METTL25: variants seen among roughly 807,000 people sequenced by gnomAD.
METTL25 encodes probable methyltransferase-like protein 25.
A neutral mutation model predicts 71.6 loss-of-function variants in METTL25; 64 were observed. That is an observed-to-expected ratio of 0.89 (90% CI 0.73 to 1.10). METTL25 has a LOEUF of 1.10. METTL25 is among the 50% of genes least tolerant of loss of function. METTL25 has a pLI of 0.00. For synonymous variants in METTL25, 287 were observed against 250.3 expected (o/e 1.15, Z -1.38); for missense variants, 807 against 707.0 (o/e 1.14, Z -1.60).
chr12:82,451,258 CG>C (rs1332259998), intron 8 of METTL25: 4 of 969,680 alleles, frequency 4.1e-6, no homozygotes, highest in Non-Finnish European at 4.9e-6. Context: ...GACTTAAGTG[CG>C]TATTTATATT....
chr12:82,455,696 G>A (rs1265534937), intron 8 of METTL25, among the ~76,000 whole-genome samples: 1 of 151,848 alleles, frequency 6.6e-6, no homozygotes, highest in Non-Finnish European at 1.5e-5. Flanking sequence ...ACTGATCTAA[G>A]GAGAAAAAAC....
rs528649446 is a variant in METTL25 at position 82,438,310 on chromosome 12, T to C, written c.1405-408T>C. On this transcript the variant is annotated intron_variant, in intron 7 of 11. Transcript: ENST00000248306. ...TGTGACTCCTAGCTGTTATTATCTT[T>C]ATTCCACCTCCATTAAGACAAATCT... Among the ~76,000 whole-genome samples the C allele has an allele frequency of 6.9e-4, 105 of 151,838 alleles. 1 individual carries two copies. Among genetic ancestry groups the C allele is most frequent in the African/African-American group, 2.5e-3 (102 of 41,508 alleles).
chr12:82,476,337 C>T (rs1451775212), intron 9 of METTL25: 1 of 243,946 alleles, frequency 4.1e-6, no homozygotes, highest in African/African-American at 2.3e-5. Context: ...TGATCTCCTC[C>T]TGTGTGTCCA....
chr12:82,373,871 C>A (rs751340542), intron 1 of METTL25, among the ~76,000 whole-genome samples: 1 of 152,138 alleles, frequency 6.6e-6, no homozygotes, highest in Non-Finnish European at 1.5e-5. Context: ...TCATGCTAGT[C>A]GCTTTTAACT....
chr12:82,434,025 TATAA>T (rs1415293892), intron 6 of METTL25, among the ~76,000 whole-genome samples: 1 of 151,196 alleles, frequency 6.6e-6, no homozygotes, highest in African/African-American at 2.4e-5. Flanking sequence ...GAGTATTTAT[TATAA>T]ATGTTAGGAA....
At chr12:82,391,225 A>T (rs756405128) in intron 3 of METTL25, among the ~76,000 whole-genome samples, 11 of 152,096 alleles carry the variant, frequency 7.2e-5, no homozygotes, top group Non-Finnish European at 1.6e-4. Context: ...TAGATTTTAT[A>T]TAGAAACCAA....
intron 1 of METTL25, among the ~76,000 whole-genome samples, chr12:82,369,848 G>A (rs972750887): frequency 6.6e-6 from 1 of 152,092 alleles, no homozygotes; most frequent in Non-Finnish European, 1.5e-5. Flanking sequence ...TTTTTACAGA[G>A]TGCTGATTGG....
At chr12:82,367,506 G>A (rs990212816) in intron 1 of METTL25, among the ~76,000 whole-genome samples, 6 of 151,928 alleles carry the variant, frequency 3.9e-5, no homozygotes, top group African/African-American at 1.2e-4. Context: ...TTCATAATCC[G>A]CCAATTCCTC....
chr12:82,360,727 A>G (rs1313553326), intron 1 of METTL25, among the ~76,000 whole-genome samples: 2 of 152,158 alleles, frequency 1.3e-5, no homozygotes, highest in African/African-American at 4.8e-5. Flanking sequence ...GATTTCCACT[A>G]GGGACTCACA....
At chr12:82,425,981 A>G (rs2137125483) in intron 5 of METTL25, among the ~76,000 whole-genome samples, 1 of 152,140 alleles carries the variant, frequency 6.6e-6, no homozygotes, top group East Asian at 1.9e-4. Context: ...GGCTAGGGGA[A>G]AGCAATTTGA....
intron 1 of METTL25, among the ~76,000 whole-genome samples, chr12:82,369,254 TATG>T (rs545276238): frequency 3.5e-4 from 54 of 152,360 alleles, no homozygotes; most frequent in African/African-American, 1.2e-3. Flanking sequence ...TCCACTGTGT[TATG>T]ATGATTTGTT....
chr12:82,370,195 C>T (rs951796668), intron 1 of METTL25, among the ~76,000 whole-genome samples: 8 of 152,116 alleles, frequency 5.3e-5, no homozygotes, highest in Admixed American at 1.3e-4. Flanking sequence ...AAAGGGCCAG[C>T]GGGTCAGTCC....
chr12:82,375,511 G>A (rs1345184625), intron 1 of METTL25, among the ~76,000 whole-genome samples: 2 of 152,144 alleles, frequency 1.3e-5, no homozygotes, highest in African/African-American at 4.8e-5. Flanking sequence ...AGCAGGAAAG[G>A]ATTGAAACAG....
chr12:82,421,303 T>G (rs141823456), intron 5 of METTL25, among the ~76,000 whole-genome samples: 1 of 152,236 alleles, frequency 6.6e-6, no homozygotes, highest in Non-Finnish European at 1.5e-5. Context: ...AATAGAGAAT[T>G]TATAGATTTG....
intron 5 of METTL25, among the ~76,000 whole-genome samples, chr12:82,403,785 T>C (rs1226594436): frequency 6.6e-6 from 1 of 152,182 alleles, no homozygotes; most frequent in African/African-American, 2.4e-5. Context: ...AATCTTTCCA[T>C]AAGATATTGT....
At chr12:82,404,968 A>G (rs774005439) in intron 5 of METTL25, among the ~76,000 whole-genome samples, 7 of 151,178 alleles carry the variant, frequency 4.6e-5, no homozygotes, top group Non-Finnish European at 1.0e-4. Context: ...AAAAAATTAG[A>G]GTCACTATCC....
At chr12:82,462,911 T>A (rs1891983115) in intron 9 of METTL25, among the ~76,000 whole-genome samples, 1 of 152,078 alleles carries the variant, frequency 6.6e-6, no homozygotes, top group Admixed American at 6.5e-5. Flanking sequence ...TGTAAGTAGT[T>A]GTTGTACTGT....
chr12:82,420,935 A>G (rs1888426519), intron 5 of METTL25, among the ~76,000 whole-genome samples: 1 of 151,914 alleles, frequency 6.6e-6, no homozygotes, highest in Admixed American at 6.6e-5. Flanking sequence ...GGCTCACTGC[A>G]ACCTCCACCT....
chr12:82,367,332 T>C (rs1882683050), intron 1 of METTL25, among the ~76,000 whole-genome samples: 1 of 152,238 alleles, frequency 6.6e-6, no homozygotes, highest in Non-Finnish European at 1.5e-5. Context: ...TTACCTGTTA[T>C]CATCATTTAT....
Sources: gnomAD v4.1 joint callset for allele counts (sites outside exome capture counted in the v4.1 genomes callset) on GRCh38, gnomAD v4.1.1 for gene constraint, MANE v1.5 for transcripts, NCBI Gene and HGNC (gene_info 2026-07-23, HGNC 2026-07-21) for gene names.